Variants in NDUFA10 observed in about 807,000 individuals in gnomAD.
NDUFA10 encodes the protein NADH dehydrogenase [ubiquinone] 1 alpha subcomplex subunit 10, mitochondrial.
A neutral mutation model predicts 47.8 loss-of-function variants in NDUFA10; 40 were observed. The observed-to-expected ratio is 0.84, with a 90% CI of 0.65 to 1.09. NDUFA10 has a LOEUF of 1.09. Ranked by LOEUF, NDUFA10 falls within the 50% of genes least tolerant of loss-of-function variation. NDUFA10 has a pLI of 0.00. For missense variants in NDUFA10, 413 were observed against 451.1 expected (o/e 0.92, Z 0.76); for synonymous variants, 183 against 172.2 (o/e 1.06, Z -0.49).
At position 239,919,784 on chromosome 2, in the gene NDUFA10, C is replaced by T. The variant is rs1693937508; in HGVS notation, c.295-24470G>A. ...CTGCAGCCTCTCTCCACACTTCACCCTTCCCTGAACACATCTTCCATGAAC... is the reference window on the plus strand; with the variant it reads ...CTGCAGCCTCTCTCCACACTTCACCTTTCCCTGAACACATCTTCCATGAAC... On this transcript the variant is annotated intron_variant, in intron 4 of 5. Coordinates refer to the NDUFA10 transcript ENST00000419408. Among the ~76,000 whole-genome samples, 4 of 152,328 alleles carry T rather than the reference C, an allele frequency of 2.6e-5. No homozygotes were observed. In the Middle Eastern group the frequency reaches 0.014, roughly 518 times the overall value.
chr2:239,973,647 A>G (rs1482840773), intron 9 of NDUFA10: 1 of 469,672 alleles, frequency 2.1e-6, no homozygotes, highest in African/African-American at 2.0e-5. Flanking sequence ...GCTTCCTTCC[A>G]TTGAAGAGAC....
At chr2:239,918,375 G>A (rs1055327101) in intron 4 of NDUFA10, among the ~76,000 whole-genome samples, 2 of 152,166 alleles carry the variant, frequency 1.3e-5, no homozygotes, top group African/African-American at 4.8e-5. Context: ...ACCCTTGCAG[G>A]AGCCTTGAAC....
Position 239,959,046 on chromosome 2 carries a change from A to C in NDUFA10, c.*2072T>G, listed in dbSNP as rs959148144. 1.6e-5 allele frequency: 16 copies of C among 985,374 alleles called. No individual in the cohort carries two copies. Among genetic ancestry groups the C allele is most frequent in the Admixed American group, 6.1e-5 (1 of 16,276 alleles). The allele number at this position is 985,374 out of a possible 1,614,324, so 61.0% of individuals were successfully genotyped here. A position where few individuals can be genotyped will look rare whatever the true frequency, so the allele number is the denominator to read the frequency against. On this transcript the variant is annotated 3_prime_UTR_variant, in exon 10 of 10. Transcript: ENST00000252711. ...ACCTCTTCTTGAGGCTTCTATGTGGAGAGAAGAATTGGACAGTGTTTATTC... is the reference window on the plus strand; with the variant it reads ...ACCTCTTCTTGAGGCTTCTATGTGGCGAGAAGAATTGGACAGTGTTTATTC...
At chr2:240,008,341 G>A (rs1697021369) in intron 6 of NDUFA10, among the ~76,000 whole-genome samples, 1 of 152,164 alleles carries the variant, frequency 6.6e-6, no homozygotes, top group African/African-American at 2.4e-5. Context: ...CAAGCAGAAT[G>A]AACAATAAAT....
At chr2:239,937,664 C>T (rs7591632) in intron 4 of NDUFA10, among the ~76,000 whole-genome samples, 53,603 of 151,968 alleles carry the variant, frequency 0.35, 9,567 homozygotes, top group African/African-American at 0.38. Flanking sequence ...ATGTACAAGA[C>T]TCTGTGAGGA....
chr2:240,022,305 G>C lies in NDUFA10; in HGVS notation c.111C>G (p.Arg37=). Residue 37 remains arginine, a synonymous_variant, in exon 2 of 10, where the codon CGC becomes CGG. Transcript: ENST00000252711. ...GIHSSVQCKL[R]YGMWHFLLGD... is the part of the protein sequence containing the mutation. ...CAAGTAGGAAATGCCACATTCCATA[G>C]CGCAGTTTGCACTGCACACTGCTAT... The C allele has an allele frequency of 6.2e-7, 1 of 1,614,010 alleles. No homozygotes were observed. The highest frequency in any genetic ancestry group is 1.1e-5 in the South Asian group (1 of 91,082).
At chr2:239,974,468 A>G (rs1430709513) in intron 9 of NDUFA10, among the ~76,000 whole-genome samples, 1 of 152,248 alleles carries the variant, frequency 6.6e-6, no homozygotes, top group African/African-American at 2.4e-5. Flanking sequence ...CTGTGTACCC[A>G]TGTCACCAGC....
intron 5 of NDUFA10, among the ~76,000 whole-genome samples, chr2:239,893,786 G>A (rs1216573260): frequency 2.6e-5 from 4 of 152,282 alleles, no homozygotes; most frequent in East Asian, 3.9e-4. Context: ...TGGGAAGCAC[G>A]GCAGGGAAGG....
chr2:239,931,415 C>T (rs890590865), intron 4 of NDUFA10, among the ~76,000 whole-genome samples: 9 of 152,356 alleles, frequency 5.9e-5, no homozygotes, highest in Non-Finnish European at 1.0e-4. Context: ...TCTCAGTATC[C>T]TTAACTAACA....
At chr2:239,994,668 G>A (rs757579022) in intron 8 of NDUFA10, among the ~76,000 whole-genome samples, 21 of 152,072 alleles carry the variant, frequency 1.4e-4, no homozygotes, top group Non-Finnish European at 2.2e-4. Flanking sequence ...CCATGAAACC[G>A]GTCCCTGGTG....
intron 8 of NDUFA10, among the ~76,000 whole-genome samples, chr2:239,998,887 G>A (rs191451682): frequency 1.2e-3 from 182 of 152,286 alleles, no homozygotes; most frequent in African/African-American, 4.1e-3. Flanking sequence ...ATCTGTCTGC[G>A]TATCTGTCCT....
intron 9 of NDUFA10, among the ~76,000 whole-genome samples, chr2:239,977,635 C>T (rs1207055228): frequency 6.6e-6 from 1 of 152,196 alleles, no homozygotes; most frequent in African/African-American, 2.4e-5. Flanking sequence ...GGATGTTCAA[C>T]CATGTATATT....
intron 4 of NDUFA10, among the ~76,000 whole-genome samples, chr2:239,924,210 A>G (rs1694034391): frequency 1.3e-5 from 2 of 152,148 alleles, no homozygotes; most frequent in Admixed American, 1.3e-4. Context: ...TGCGACTGGT[A>G]TTACCTTAAT....
downstream of NDUFA10, among the ~76,000 whole-genome samples, chr2:239,955,229 G>A (rs1347823926): frequency 6.6e-6 from 1 of 152,156 alleles, no homozygotes; most frequent in African/African-American, 2.4e-5. Context: ...TAACACTGGG[G>A]CGGGGGGCGA....
chr2:239,973,308 C>A (rs1350178258), intron 9 of NDUFA10, among the ~76,000 whole-genome samples: 1 of 152,154 alleles, frequency 6.6e-6, no homozygotes, highest in African/African-American at 2.4e-5. Flanking sequence ...AAAGCAGTCA[C>A]GTCTGGCCTT....
At position 239,900,204 on chromosome 2, in the gene NDUFA10, C is replaced by G. The variant is rs189602329; in HGVS notation, c.295-4890G>C. On this transcript the variant is annotated intron_variant, in intron 4 of 5. Coordinates refer to the NDUFA10 transcript ENST00000419408. ...AGACTGAAGGCTGTACTGTTGGCTT[C>G]CCTACTTTTGAGGTTTTGGGACTTG... is the stretch of plus-strand genomic sequence containing the variant. Among the ~76,000 whole-genome samples the G allele has an allele frequency of 1.8e-3, 275 of 152,126 alleles. 4 individuals are homozygous for G. Among genetic ancestry groups the G allele is most frequent in the African/African-American group, 6.0e-3 (247 of 41,470 alleles).
In NDUFA10 at chr2:239,999,187, T is replaced by A. The variant is rs191078259; in HGVS notation, c.890+6023A>T. Among the ~76,000 whole-genome samples the A allele has an allele frequency of 2.2e-3, 340 of 152,336 alleles. 1 individual carries two copies. Among genetic ancestry groups the A allele is most frequent in the African/African-American group, 7.8e-3 (323 of 41,586 alleles). On this transcript the variant is annotated intron_variant, in intron 8 of 9. Transcript: ENST00000252711. Reference sequence around the variant, plus strand: ...ACACCTGCAGTGACCAACTCAAGACTATGAATGGTCATCACCGCACAATGA... The same window carrying A: ...ACACCTGCAGTGACCAACTCAAGACAATGAATGGTCATCACCGCACAATGA...
chr2:239,915,947 GACAC>G (rs1381471176), intron 4 of NDUFA10, among the ~76,000 whole-genome samples: 1 of 133,258 alleles, frequency 7.5e-6, no homozygotes, highest in South Asian at 2.5e-4. Flanking sequence ...GACACAGAGA[GACAC>G]ACAGAGATAC....
intron 4 of NDUFA10, among the ~76,000 whole-genome samples, chr2:239,919,038 C>A (rs887990661): frequency 2.6e-5 from 4 of 152,212 alleles, no homozygotes; most frequent in African/African-American, 9.7e-5. Flanking sequence ...CTGAAGACAG[C>A]AGGGATGGGA....
Sources: allele counts gnomAD v4.1 joint callset (sites outside exome capture counted in the v4.1 genomes callset), GRCh38; gene constraint gnomAD v4.1.1; transcripts MANE v1.5; gene names NCBI Gene and HGNC (gene_info 2026-07-23, HGNC 2026-07-21).